DPY19L4: variants seen among roughly 807,000 people sequenced by gnomAD.
DPY19L4 encodes dpy-19 like 4, also known as probable C-mannosyltransferase DPY19L4.
Under a neutral mutation model 102.8 loss-of-function variants are expected in DPY19L4, and 97 were observed. The observed-to-expected ratio is 0.94, with a 90% CI of 0.80 to 1.12. The LOEUF (loss-of-function observed/expected upper bound fraction) is 1.12, where lower values mean the gene tolerates loss of function less well. Ranked by LOEUF, DPY19L4 falls within the 50% of genes most tolerant of loss-of-function variation. The probability of loss-of-function intolerance (pLI) is 0.00; values close to 1 mark genes in which losing one functional copy is unlikely to be tolerated. For synonymous variants in DPY19L4, 252 were observed against 283.1 expected, an observed-to-expected ratio of 0.89 and a Z score of 1.10; for missense variants, 815 against 850.4, an observed-to-expected ratio of 0.96 and a Z score of 0.52.
chr8:94,789,597 G>T lies in DPY19L4; in HGVS notation c.2008-149G>T, dbSNP rs1586437175. On this transcript the variant is annotated intron_variant, in intron 18 of 18. Transcript: ENST00000414645. The stretch of plus-strand genomic sequence containing the variant: ...GGCATGGTGACTCACTTATGAAGAA[G>T]GCTTCTATTTGCTAACAGTGAGATG... 7.7e-6 allele frequency: 5 copies of T among 652,874 alleles called. No homozygotes were observed. In the East Asian group the frequency reaches 1.6e-4, roughly 21 times the overall value. The allele number at this position is 652,874 out of a possible 1,614,324, so 40.4% of individuals were successfully genotyped here. A position where few individuals can be genotyped will look rare whatever the true frequency, so the allele number is the denominator to read the frequency against.
chr8:94,765,278 T>A lies in DPY19L4; in HGVS notation c.966T>A (p.Ser322Arg), dbSNP rs374171937. ...CTTTGTTGGTATCTCCTTTATTAAG[T>A]TTAGTAGCAGCCTTAATGCTTGCTA... ...NPALLVSPLL[S>R]LVAALMLAKC... is the part of the protein sequence containing the mutation. The change falls in exon 9 of 19, where the codon AGT becomes AGA. Residue 322 changes from serine to arginine, a missense_variant. Physicochemically the swap from Ser to Arg is moderately radical, Grantham distance 110 (BLOSUM62 -1). Transcript: ENST00000414645. 106 of 1,609,560 alleles carry A rather than the reference T, an allele frequency of 6.6e-5. 2 individuals carry two copies. Among genetic ancestry groups the A allele is most frequent in the Admixed American group, 5.8e-4 (34 of 59,058 alleles).
chr8:94,751,188 G>A (rs1278909886), intron 6 of DPY19L4, among the ~76,000 whole-genome samples: 4 of 147,568 alleles, frequency 2.7e-5, no homozygotes, highest in Non-Finnish European at 5.9e-5. Flanking sequence ...GCGTGATCTC[G>A]GCTCACTGCA....
Position 94,734,712 on chromosome 8 carries a change from A to G in DPY19L4, c.210A>G (p.Leu70=), listed in dbSNP as rs1811122055. The G allele has an allele frequency of 1.2e-6, 2 of 1,614,010 alleles. No homozygotes were observed. Among genetic ancestry groups the G allele is most frequent in the Non-Finnish European group, 1.7e-6 (2 of 1,179,956 alleles). ...GTGGTATGATGTATGCTCTCTACTT[A>G]TCAGCATACCATGAACGGAAATTCT... is the stretch of plus-strand genomic sequence containing the variant. ...VTSGMMYALY[L]SAYHERKFWF... Residue 70 remains leucine, a synonymous_variant, in exon 3 of 19, where the codon TTA becomes TTG. Transcript: ENST00000414645.
At chr8:94,737,714 C>T (rs567879065) in intron 3 of DPY19L4, among the ~76,000 whole-genome samples, 9 of 151,650 alleles carry the variant, frequency 5.9e-5, no homozygotes, top group Admixed American at 3.9e-4. Flanking sequence ...ACCCAAGAGG[C>T]GGAGGTTGCA....
intron 6 of DPY19L4, among the ~76,000 whole-genome samples, chr8:94,742,794 G>A (rs1311755331): frequency 1.3e-5 from 2 of 152,044 alleles, no homozygotes; most frequent in Non-Finnish European, 2.9e-5. Context: ...TTGACCTCAA[G>A]TGATCCACCC....
chr8:94,747,849 C>T lies in DPY19L4; in HGVS notation c.611+8059C>T, dbSNP rs7819222. ...TGCTGGGATAACAGGCGTGAGCCACCGCGCTGGGCCTATACTATGATGTTT... is the reference window on the plus strand; with the variant it reads ...TGCTGGGATAACAGGCGTGAGCCACTGCGCTGGGCCTATACTATGATGTTT... On this transcript the variant is annotated intron_variant, in intron 6 of 18. Transcript: ENST00000414645. Among the ~76,000 whole-genome samples, 1,350 of 152,130 alleles carry T rather than the reference C, an allele frequency of 8.9e-3. 13 individuals are homozygous for T. Among genetic ancestry groups the T allele is most frequent in the African/African-American group, 0.031 (1,278 of 41,494 alleles).
Position 94,719,982 on chromosome 8 carries a change from T to C in DPY19L4, c.-17T>C. 1 of 1,522,700 alleles carries C rather than the reference T, an allele frequency of 6.6e-7. No homozygotes were observed. The highest frequency in any genetic ancestry group is 1.4e-5 in the African/African-American group (1 of 69,832). 94.3% of individuals were successfully genotyped at this position (1,522,700 alleles called of 1,614,324 possible). On this transcript the variant is annotated 5_prime_UTR_variant, in exon 1 of 19. Coordinates refer to ENST00000414645, the MANE Select transcript of DPY19L4 (RefSeq NM_181787.3). ...GCCGCGCGGGAGCCGCAGGGCGCCCTAGCCTTCGCAGAAACGATGGCGGAG... is the reference window on the plus strand; with the variant it reads ...GCCGCGCGGGAGCCGCAGGGCGCCCCAGCCTTCGCAGAAACGATGGCGGAG...
intron 8 of DPY19L4, among the ~76,000 whole-genome samples, chr8:94,764,671 GTGTGTGTGTC>G (rs1319894542): frequency 1.7e-5 from 2 of 115,266 alleles, no homozygotes; most frequent in African/African-American, 3.7e-5. Context: ...GTATGCGTGT[GTGTGTGTGTC>G]TGTGTGTGTA....
chr8:94,772,757 G>C (rs1812988819), intron 13 of DPY19L4, among the ~76,000 whole-genome samples: 2 of 152,214 alleles, frequency 1.3e-5, no homozygotes, highest in Admixed American at 6.5e-5. Context: ...TGTTAGCATA[G>C]ACTCTTATGC....
intron 11 of DPY19L4, among the ~76,000 whole-genome samples, chr8:94,767,085 A>G (rs1812708692): frequency 6.6e-6 from 1 of 151,112 alleles, no homozygotes; most frequent in Non-Finnish European, 1.5e-5. Context: ...AAAAAAAAAA[A>G]TACCACTTAG....
At chr8:94,756,013 T>G (rs373311763) in intron 6 of DPY19L4, 23 bp from the exon 7 acceptor site, 581 of 1,595,874 alleles carry the variant, frequency 3.6e-4, no homozygotes, top group Non-Finnish European at 4.7e-4. Context: ...TTATTTTTAC[T>G]GTTCATCTGT....
At chr8:94,732,880 G>C (rs1375415566) in intron 2 of DPY19L4, among the ~76,000 whole-genome samples, 2 of 141,156 alleles carry the variant, frequency 1.4e-5, no homozygotes, top group Admixed American at 1.5e-4. Context: ...TTGCCATCTC[G>C]GTTCACTACA....
At chr8:94,747,866 A>G (rs1415444590) in intron 6 of DPY19L4, among the ~76,000 whole-genome samples, 4 of 152,120 alleles carry the variant, frequency 2.6e-5, no homozygotes, top group Non-Finnish European at 4.4e-5. Flanking sequence ...GGCCTATACT[A>G]TGATGTTTCT....
At chr8:94,764,314 C>T (rs1015139362) in intron 8 of DPY19L4, among the ~76,000 whole-genome samples, 6 of 151,998 alleles carry the variant, frequency 3.9e-5, no homozygotes, top group African/African-American at 1.4e-4. Context: ...GTGTGGCTCA[C>T]GCCTGTAATC....
At chr8:94,724,596 CGTTTTGTTTT>C (rs913945546) in intron 1 of DPY19L4, among the ~76,000 whole-genome samples, 8 of 151,494 alleles carry the variant, frequency 5.3e-5, no homozygotes, top group African/African-American at 1.9e-4. Context: ...TGTTTTGTTT[CGTTTTGTTTT>C]TGAGACGGAG....
chr8:94,727,487 A>G (rs13270727), intron 2 of DPY19L4, among the ~76,000 whole-genome samples: 62,335 of 152,048 alleles, frequency 0.41, 13,097 homozygotes, highest in Non-Finnish European at 0.45. Flanking sequence ...ACCTGCCACA[A>G]CCTCTCAAAG....
At chr8:94,739,820 A>T in intron 6 of DPY19L4, 30 bp downstream of exon 6, 1 of 1,608,256 alleles carries the variant, frequency 6.2e-7, no homozygotes, top group Non-Finnish European at 8.5e-7. Flanking sequence ...TGATTTTTAA[A>T]AACTTTTTGT....
At chr8:94,772,518 C>G (rs1812979363) in intron 13 of DPY19L4, among the ~76,000 whole-genome samples, 1 of 152,238 alleles carries the variant, frequency 6.6e-6, no homozygotes, top group Non-Finnish European at 1.5e-5. Flanking sequence ...TTTGTTCCCT[C>G]CCAGTGGAAT....
chr8:94,764,493 G>C lies in DPY19L4; in HGVS notation c.871-690G>C, dbSNP rs527895340. ...CGGGAGGCTGAGGCAGGAGAATGGC[G>C]TGAACCCGGGAGGCAGAGCTTGCAG... On this transcript the variant is annotated intron_variant, in intron 8 of 18. Coordinates refer to ENST00000414645, the MANE Select transcript of DPY19L4 (RefSeq NM_181787.3). 1.3e-4 allele frequency among the ~76,000 whole-genome samples: 20 copies of C among 149,112 alleles called. No homozygotes were observed. In the South Asian group the frequency reaches 4.0e-3, roughly 30 times the overall value.
Sources: gnomAD v4.1 joint callset for allele counts (sites outside exome capture counted in the v4.1 genomes callset) on GRCh38, gnomAD v4.1.1 for gene constraint, MANE v1.5 for transcripts, NCBI Gene and HGNC (gene_info 2026-07-23, HGNC 2026-07-21) for gene names.